TRPM2: variants seen among roughly 807,000 people sequenced by gnomAD.
The protein encoded by TRPM2 is estrogen-responsive element-associated gene 1 protein.
TRPM2 carries 161 observed loss-of-function variants against 174.0 expected under a neutral mutation model. That is an observed-to-expected ratio of 0.93 (90% CI 0.81 to 1.05). The LOEUF (loss-of-function observed/expected upper bound fraction) is 1.05. TRPM2 is among the 50% of genes least tolerant of loss of function. The pLI is 0.00. For missense variants in TRPM2, 2,057 were observed against 2,038.0 expected (o/e 1.01, Z -0.18); for synonymous variants, 954 against 861.3 (o/e 1.11, Z -1.88).
chr21:44,399,512 C>G lies in TRPM2; in HGVS notation c.2208+71C>G. On this transcript the variant is annotated intron_variant, in intron 14 of 31. Transcript: ENST00000397928. The surrounding 1 kb of genome is among the most constrained non-coding windows in gnomAD (Gnocchi z 4.6). ...TGCAGGGCGGACACAGCCTCCTGTTCGTGCAGTTGGCACGCACACTCACAC... is the reference window on the plus strand; with the variant it reads ...TGCAGGGCGGACACAGCCTCCTGTTGGTGCAGTTGGCACGCACACTCACAC... 6.5e-7 allele frequency: 1 copy of G among 1,538,232 alleles called. No individual in the cohort carries two copies. The highest frequency in any genetic ancestry group is 8.8e-7 in the Non-Finnish European group (1 of 1,142,176).
At chr21:44,423,815 G>A in intron 23 of TRPM2, 83 bp downstream of exon 23, 2 of 1,146,000 alleles carry the variant, frequency 1.7e-6, no homozygotes, top group Non-Finnish European at 2.5e-6. Context: ...GCACCAAGAA[G>A]GAGGGCTCTG....
At chr21:44,373,633 G>A (rs550136050) in intron 5 of TRPM2, among the ~76,000 whole-genome samples, 254 of 138,116 alleles carry the variant, frequency 1.8e-3, no homozygotes, top group South Asian at 0.01. Flanking sequence ...CATTATATGC[G>A]ACCCGGATAG....
rs762428 is a variant in TRPM2, at chr21:44,425,924, C to T, written c.3795+97C>T. 0.99 allele frequency: 1,324,120 copies of T among 1,336,910 alleles called. 656,271 individuals carry two copies. Among genetic ancestry groups the T allele is most frequent in the Non-Finnish European group, 1 (1,033,503 of 1,033,768 alleles). 82.8% of individuals were successfully genotyped at this position (1,336,910 alleles called of 1,614,324 possible). On this transcript the variant is annotated intron_variant, in intron 25 of 31. Transcript: ENST00000397928. ...ATCCATCTGGTATTAATCCTGGCTCCCAGCCACTGCAGCCACAGGGGGATC... is the reference window on the plus strand; with the variant it reads ...ATCCATCTGGTATTAATCCTGGCTCTCAGCCACTGCAGCCACAGGGGGATC...
intron 30 of TRPM2, among the ~76,000 whole-genome samples, chr21:44,440,301 G>GT (rs1569125630): frequency 2.5e-4 from 21 of 85,634 alleles, no homozygotes; most frequent in Admixed American, 4.5e-4. Flanking sequence ...GCACCACTGC[G>GT]CTCAAAAAAA....
Position 44,406,771 on chromosome 21 carries a change from A to G in TRPM2, c.2962+6A>G, listed in dbSNP as rs750738674. The G allele has an allele frequency of 6.4e-5, 102 of 1,595,876 alleles. 1 individual carries two copies. The South Asian group carries it at 1.0e-3, about 16-fold the overall frequency. On this transcript the variant is annotated splice_donor_region_variant and intron_variant, in intron 19 of 31. Coordinates refer to ENST00000397928, the MANE Select transcript of TRPM2 (RefSeq NM_003307.4). ...GATCCCGGGCTACATCGACGGTAGG[A>G]GCCGGGCGCCATGGGAGCTCGGGTG...
At chr21:44,436,954 C>T in intron 28 of TRPM2, 108 bp from the exon 29 acceptor site, 3 of 869,214 alleles carry the variant, frequency 3.5e-6, no homozygotes, top group Non-Finnish European at 3.5e-6. Flanking sequence ...TTTGAGCCTG[C>T]AGTGGGCCTG....
Position 44,424,870 on chromosome 21 carries a change from G to A in TRPM2, c.3568G>A (p.Ala1190Thr). The A allele has an allele frequency of 6.2e-7, 1 of 1,606,536 alleles. No individual in the cohort carries two copies. The highest frequency in any genetic ancestry group is 8.5e-7 in the Non-Finnish European group (1 of 1,177,552). The change falls in exon 24 of 32, where the codon GCC (alanine) becomes ACC (threonine). Residue 1190 changes from alanine (A) to threonine (T), a missense_variant. Ala to Thr is a moderately conservative substitution (Grantham distance 58, BLOSUM62 0). Transcript: ENST00000397928. ...CTTCCAGGTGGCCCAGACAGCCCAA[G>A]CCCTGCACTGGATCGTGAGGACGCT... is the stretch of plus-strand genomic sequence containing the variant. Reference protein sequence around the residue: ...LEEQVAQTAQALHWIVRTLRA... With the variant: ...LEEQVAQTAQTLHWIVRTLRA...
chr21:44,376,072 G>A lies in TRPM2; in HGVS notation c.952+59G>A, dbSNP rs1478380418. 2.5e-6 allele frequency: 4 copies of A among 1,574,458 alleles called. No individual in the cohort carries two copies. Among genetic ancestry groups the A allele is most frequent in the East Asian group, 4.5e-5 (2 of 44,314 alleles). ...GAGAGCACAGTGGGCTGGTCAGAGT[G>A]TCAGGTACAGCTGGTCACGACCAGG... On this transcript the variant is annotated intron_variant, in intron 6 of 31. Transcript: ENST00000397928. The surrounding 1 kb of genome is among the most constrained non-coding windows in gnomAD (Gnocchi z 4.2).
chr21:44,376,497 C>A lies in TRPM2; in HGVS notation c.952+484C>A, dbSNP rs544999335. Among the ~76,000 whole-genome samples the A allele has an allele frequency of 1.3e-5, 2 of 152,280 alleles. No individual in the cohort carries two copies. Among genetic ancestry groups the A allele is most frequent in the Admixed American group, 1.3e-4 (2 of 15,300 alleles). On this transcript the variant is annotated intron_variant, in intron 6 of 31. Transcript: ENST00000397928. This position sits in a 1 kb window ranked among gnomAD's most constrained non-coding sequence, Gnocchi z 4.2. ...TTCTGGGCTCAAGGGATCCTCCCAT[C>A]ACCCTCCCAAAGTGCTGGGATTACA...
At chr21:44,414,587 AG>A (rs2146331844) in intron 20 of TRPM2, 1 of 154,124 alleles carries the variant, frequency 6.5e-6, no homozygotes, top group East Asian at 1.9e-4. Flanking sequence ...CTATGACACC[AG>A]GTTTTTGAGA....
intron 22 of TRPM2, among the ~76,000 whole-genome samples, chr21:44,419,029 A>T (rs980799523): frequency 6.6e-6 from 1 of 152,134 alleles, no homozygotes; most frequent in Non-Finnish European, 1.5e-5. Context: ...CTTCTTTCCA[A>T]GGTGCGAGGT....
chr21:44,425,462 G>A (rs2050727308), intron 24 of TRPM2: 1 of 499,794 alleles, frequency 2.0e-6, no homozygotes. Flanking sequence ...AGGTGCCGGC[G>A]GGGACGCTGC....
intron 8 of TRPM2, 119 bp downstream of exon 8, chr21:44,379,316 G>C (rs965419501): frequency 4.1e-6 from 5 of 1,216,886 alleles, no homozygotes; most frequent in Non-Finnish European, 5.8e-6. Context: ...GTCTGAGTGG[G>C]TGCCAGAGCG....
Position 44,442,022 on chromosome 21 carries a change from G to A in TRPM2, c.*205G>A, listed in dbSNP as rs1680241210. The A allele has an allele frequency of 1.3e-6, 1 of 748,162 alleles. No individual in the cohort carries two copies. The highest frequency in any genetic ancestry group is 3.6e-5 in the South Asian group (1 of 28,096). 46.3% of individuals were successfully genotyped at this position (748,162 alleles called of 1,614,324 possible). A position where few individuals can be genotyped will look rare whatever the true frequency, so the allele number is the denominator to read the frequency against. On this transcript the variant is annotated 3_prime_UTR_variant, in exon 32 of 32. Coordinates refer to ENST00000397928, the MANE Select transcript of TRPM2 (RefSeq NM_003307.4). The stretch of plus-strand genomic sequence containing the variant: ...AAGGGGTCAAGGTGACCCGGGAGGA[G>A]AGCTCAAGACAGGGCACAGGCTACT...
rs563317637 is a variant in TRPM2 at position 44,406,751 on chromosome 21, C to T, written c.2948C>T (p.Pro983Leu). Residue 983 changes from proline to leucine, a missense_variant, in exon 19 of 32, where the codon CCG becomes CTG. Transcript: ENST00000397928. ...HSYLTIFGQI[P>L]GYIDGVNFNP... ...TACCTCACCATCTTCGGGCAGATCC[C>T]GGGCTACATCGACGGTAGGAGCCGG... The T allele has an allele frequency of 3.4e-5, 54 of 1,604,192 alleles. No individual in the cohort carries two copies. The highest frequency in any genetic ancestry group is 2.2e-4 in the Middle Eastern group (1 of 4,456).
chr21:44,391,291 C>T lies in TRPM2; in HGVS notation c.1460C>T (p.Thr487Met), dbSNP rs1569051453. 10 of 1,613,560 alleles carry T rather than the reference C, an allele frequency of 6.2e-6. No individual in the cohort carries two copies. In the East Asian group the frequency reaches 6.7e-5, roughly 11 times the overall value. Residue 487 changes from threonine to methionine, a missense_variant, in exon 11 of 32, where the codon ACG becomes ATG. By Grantham distance (81) the Thr-to-Met change is moderately conservative. Transcript: ENST00000397928. This position sits in a 1 kb window ranked among gnomAD's most constrained non-coding sequence, Gnocchi z 5.0. The stretch of plus-strand genomic sequence containing the variant: ...TCTCAGCCTTCAGATCTGCACCCCA[C>T]GATGACAGCTGCACTCATCTCCAAC... ...WQWKPSDLHP[T>M]MTAALISNKP...
rs1243377327 is a variant in TRPM2 at position 44,414,092 on chromosome 21, GC to G, written c.3146+19del. The G allele has an allele frequency of 1.2e-6, 2 of 1,603,900 alleles. No individual in the cohort carries two copies. The highest frequency in any genetic ancestry group is 1.6e-4 in the Middle Eastern group (1 of 6,066). On this transcript the variant is annotated intron_variant, in intron 20 of 31. Coordinates refer to ENST00000397928, the MANE Select transcript of TRPM2 (RefSeq NM_003307.4). ...ATGTTCAAGTGAGCGCCTGGGTGGG[GC>G]TGGCGTGCAGGTGGGTGGGTGGGCG...
At chr21:44,429,278 C>CTTTTTTTTTTTTTTTTTTTTTTT (rs35708355) in intron 27 of TRPM2, among the ~76,000 whole-genome samples, 2 of 44,194 alleles carry the variant, frequency 4.5e-5, no homozygotes, top group Admixed American at 3.1e-4. Context: ...TTTTCTTTTT[C>CTTTTTTTTTTTTTTTTTTTTTTT]TTTTTTTTTT....
At position 44,366,609 on chromosome 21, in the gene TRPM2, C is replaced by A; in HGVS notation, c.424-145C>A. 9.5e-7 allele frequency: 1 copy of A among 1,048,870 alleles called. No homozygotes were observed. The highest frequency in any genetic ancestry group is 1.4e-6 in the Non-Finnish European group (1 of 720,058). The allele number at this position is 1,048,870 out of a possible 1,614,324, so 65.0% of individuals were successfully genotyped here. The stretch of plus-strand genomic sequence containing the variant: ...TCTCTCGTGATCTGTGCCCTGCCCA[C>A]ATGGGGACCCCTTTTCTGGGTCTGA... On this transcript the variant is annotated intron_variant, in intron 3 of 31. Coordinates refer to ENST00000397928, the MANE Select transcript of TRPM2 (RefSeq NM_003307.4). The surrounding 1 kb of genome is among the most constrained non-coding windows in gnomAD (Gnocchi z 6.0).
Sources: gnomAD v4.1 joint callset for allele counts (sites outside exome capture counted in the v4.1 genomes callset) on GRCh38, gnomAD v4.1.1 for gene constraint, Gnocchi (gnomAD v3.1) non-coding constraint, MANE v1.5 for transcripts, NCBI Gene and HGNC (gene_info 2026-07-23, HGNC 2026-07-21) for gene names.